Variants in DCX observed in about 807,000 individuals in gnomAD.
The protein encoded by DCX is doublecortin, also known as neuronal migration protein doublecortin.
A neutral mutation model predicts 20.9 loss-of-function variants in DCX; 4 were observed. The observed-to-expected ratio is 0.19, with a 90% CI of 0.09 to 0.44. DCX has a LOEUF of 0.44. DCX is among the 20% of genes least tolerant of loss of function. DCX has a pLI of 0.99. For missense variants in DCX, 133 were observed against 296.9 expected (o/e 0.45, Z 4.06); for synonymous variants, 103 against 111.4 (o/e 0.92, Z 0.47).
At chrX:111,320,934 T>C (rs2095085147) in intron 5 of DCX, among the ~76,000 whole-genome samples, 1 of 110,485 alleles carries the variant, frequency 9.1e-6, no homozygotes, top group African/African-American at 3.3e-5. Context: ...TTCCAAAGCC[T>C]ATATGGTTTT....
chrX:111,402,777 TGC>T (rs1353404441), intron 2 of DCX, among the ~76,000 whole-genome samples: 30 of 102,918 alleles, frequency 2.9e-4, no homozygotes, highest in African/African-American at 1.1e-3. Flanking sequence ...TGTGTGTGTG[TGC>T]GTGGTGTGTG....
intron 3 of DCX, among the ~76,000 whole-genome samples, chrX:111,368,362 C>T (rs961543635): frequency 2.7e-5 from 3 of 111,819 alleles, no homozygotes; most frequent in African/African-American, 9.7e-5. Context: ...TCTCAGACCT[C>T]AGGTCCTGTA....
chrX:111,315,887 C>A, intron 5 of DCX, among the ~76,000 whole-genome samples: 1 of 37,190 alleles, frequency 2.7e-5, no homozygotes. Context: ...AATGAGATCA[C>A]ATGGACACAG....
intron 5 of DCX, 62 bp downstream of exon 5, chrX:111,330,842 T>C (rs1921147187): frequency 3.3e-6 from 4 of 1,195,223 alleles, no homozygotes; most frequent in Non-Finnish European, 4.5e-6. Flanking sequence ...TTCCTCTGCA[T>C]GCAGAAAGTA....
intron 3 of DCX, among the ~76,000 whole-genome samples, chrX:111,348,388 C>A (rs1032317068): frequency 8.9e-6 from 1 of 111,941 alleles, no homozygotes; most frequent in Non-Finnish European, 1.9e-5. Context: ...GCAATACCAG[C>A]CTGATTGGAA....
intron 2 of DCX, among the ~76,000 whole-genome samples, chrX:111,405,002 A>G (rs996438874): frequency 2.7e-5 from 3 of 112,172 alleles, no homozygotes; most frequent in African/African-American, 9.7e-5. Flanking sequence ...AGCTGGCTTC[A>G]CAGCCAAGCA....
chrX:111,337,519 C>T (rs1005903042), intron 3 of DCX, among the ~76,000 whole-genome samples: 4 of 111,450 alleles, frequency 3.6e-5, no homozygotes, highest in Admixed American at 1.9e-4. Context: ...CAACAGATCA[C>T]GGTGTCAGAG....
intron 6 of DCX, among the ~76,000 whole-genome samples, chrX:111,305,742 G>T (rs1166653571): frequency 9.1e-6 from 1 of 109,542 alleles, no homozygotes; most frequent in African/African-American, 3.3e-5. Flanking sequence ...ATAAGAATGT[G>T]TTGATGGACT....
intron 3 of DCX, among the ~76,000 whole-genome samples, chrX:111,364,665 T>A (rs1924465117): frequency 8.9e-6 from 1 of 111,842 alleles, no homozygotes; most frequent in Admixed American, 9.6e-5. Flanking sequence ...CAACCTAAAT[T>A]TTCATCAGTA....
chrX:111,361,184 C>G (rs1924176709), intron 3 of DCX, among the ~76,000 whole-genome samples: 1 of 112,290 alleles, frequency 8.9e-6, no homozygotes, highest in African/African-American at 3.2e-5. Flanking sequence ...ATGGTCACCT[C>G]CAGTGAGAGA....
chrX:111,370,056 T>TA (rs973155830), intron 3 of DCX, among the ~76,000 whole-genome samples: 4 of 111,456 alleles, frequency 3.6e-5, no homozygotes, highest in African/African-American at 1.3e-4. Context: ...GGAAAACTGC[T>TA]AAAAAAATGT....
intron 3 of DCX, among the ~76,000 whole-genome samples, chrX:111,334,154 C>G (rs1029228482): frequency 1.8e-5 from 2 of 112,363 alleles, no homozygotes; most frequent in East Asian, 2.8e-4. Context: ...CAATATGTTA[C>G]ATTAGAAAAA....
chrX:111,345,511 A>T (rs1257642426), intron 3 of DCX, among the ~76,000 whole-genome samples: 1 of 111,881 alleles, frequency 8.9e-6, no homozygotes, highest in Non-Finnish European at 1.9e-5. Flanking sequence ...AAGGTCTAAT[A>T]TCCAGAATTT....
intron 5 of DCX, among the ~76,000 whole-genome samples, chrX:111,318,046 G>A (rs915244156): frequency 9.3e-6 from 1 of 107,738 alleles, no homozygotes; most frequent in African/African-American, 3.4e-5. Context: ...TTAGCTGGGT[G>A]TGGTGGCGTG....
intron 6 of DCX, among the ~76,000 whole-genome samples, chrX:111,305,388 G>C (rs187474751): frequency 1.8e-5 from 2 of 111,729 alleles, no homozygotes; most frequent in African/African-American, 6.5e-5. Flanking sequence ...TAGTAAAATA[G>C]TTACTATAGT....
chrX:111,352,833 C>CAG (rs1471847081), intron 3 of DCX, among the ~76,000 whole-genome samples: 3 of 89,767 alleles, frequency 3.3e-5, no homozygotes, highest in African/African-American at 1.4e-4. Context: ...GGCAGACAGA[C>CAG]AGACAGAGAG....
chrX:111,330,977 C>T lies in DCX; in HGVS notation c.873G>A (p.Gln291=). 1 of 1,212,063 alleles carries T rather than the reference C, an allele frequency of 8.3e-7. No homozygotes were observed. The change falls in exon 5 of 7, where the codon CAG becomes CAA. Residue 291 remains glutamine (Q), a synonymous_variant. Coordinates refer to ENST00000636035, the MANE Select transcript of DCX (RefSeq NM_001195553.2). ...GACCAGGGCTCTTGGCTGAAGTCTT[C>T]TGAGGTGTTGGGGATGCCTTTGGGC... ...TAGPKASPTP[Q]KTSAKSPGPM...
chrX:111,337,397 C>A (rs760332222), intron 3 of DCX, among the ~76,000 whole-genome samples: 19 of 110,507 alleles, frequency 1.7e-4, no homozygotes, highest in East Asian at 2.9e-4. Flanking sequence ...AAAAAAAAAA[C>A]CAGCAGGTGT....
chrX:111,304,748 T>A (rs919875915), intron 6 of DCX, among the ~76,000 whole-genome samples: 7 of 111,953 alleles, frequency 6.3e-5, no homozygotes, highest in Middle Eastern at 9.2e-3. Context: ...TTGGAGCAAA[T>A]CAAGCTGCTG....
Sources: gnomAD v4.1 joint callset for allele counts (sites outside exome capture counted in the v4.1 genomes callset) on GRCh38, gnomAD v4.1.1 for gene constraint, MANE v1.5 for transcripts, NCBI Gene and HGNC (gene_info 2026-07-23, HGNC 2026-07-21) for gene names.